ZNF428: variants seen among roughly 807,000 people sequenced by gnomAD.
ZNF428 encodes the protein zinc finger protein 428, also known as enzyme-like protein PIT13.
Under a neutral mutation model 15.6 loss-of-function variants are expected in ZNF428, and 5 were observed. The ratio of observed to expected loss-of-function variants is 0.32; its 90% CI spans 0.17 to 0.67. ZNF428 has a LOEUF of 0.67. Among genes scored for constraint, ZNF428 ranks in the 30% least tolerant of loss-of-function variants. The pLI, the probability that ZNF428 is intolerant of heterozygous loss-of-function variation, is 0.73. For missense variants in ZNF428, 237 were observed against 256.0 expected (o/e 0.93, Z 0.51); for synonymous variants, 97 against 102.2 (o/e 0.95, Z 0.31).
In ZNF428 at chr19:43,613,925, CAG is replaced by C. The variant is rs760632303; in HGVS notation, c.76+302_76+303del. Reference sequence around the variant, plus strand: ...CAGCCGATCTAGAAGCCCCAATAAGCAGAGTGGTTACAGTCGACCTAGAGCCT... The same window carrying C: ...CAGCCGATCTAGAAGCCCCAATAAGCAGTGGTTACAGTCGACCTAGAGCCT... On this transcript the variant is annotated intron_variant, in intron 2 of 2. Coordinates refer to ENST00000300811, the MANE Select transcript of ZNF428 (RefSeq NM_182498.4). The C allele has an allele frequency of 9.7e-6, 15 of 1,551,562 alleles. No homozygotes were observed. In the East Asian group the frequency reaches 2.0e-4, roughly 20 times the overall value.
chr19:43,616,672 G>A (rs1484784021), intron 1 of ZNF428, among the ~76,000 whole-genome samples: 2 of 152,066 alleles, frequency 1.3e-5, no homozygotes, highest in Non-Finnish European at 2.9e-5. Flanking sequence ...CATCAAGAGT[G>A]GCCATTACTA....
At chr19:43,611,626 T>C (rs942291993) in intron 2 of ZNF428, among the ~76,000 whole-genome samples, 7 of 152,140 alleles carry the variant, frequency 4.6e-5, no homozygotes, top group Non-Finnish European at 1.0e-4. Context: ...AGCCTGACCC[T>C]TTCTTTCTCT....
intron 2 of ZNF428, chr19:43,613,590 G>A (rs982591232): frequency 4.7e-5 from 73 of 1,551,482 alleles, no homozygotes; most frequent in Non-Finnish European, 6.1e-5. Context: ...CAACTTGGAA[G>A]CCCCAGCAAA....
Position 43,612,893 on chromosome 19 carries a change from A to G in ZNF428, c.76+1336T>C. 1 of 1,551,740 alleles carries G rather than the reference A, an allele frequency of 6.4e-7. No homozygotes were observed. The highest frequency in any genetic ancestry group is 8.7e-7 in the Non-Finnish European group (1 of 1,146,998). ...CATCCCCAGTAGGGAAAAGAGTTAC[A>G]GCCCCACTGAAATGTCCAGCAGGGT... On this transcript the variant is annotated intron_variant, in intron 2 of 2. Coordinates refer to ENST00000300811, the MANE Select transcript of ZNF428 (RefSeq NM_182498.4). This position sits in a 1 kb window ranked among gnomAD's most constrained non-coding sequence, Gnocchi z 4.2.
At chr19:43,611,527 T>G (rs2146116133) in intron 2 of ZNF428, among the ~76,000 whole-genome samples, 1 of 152,188 alleles carries the variant, frequency 6.6e-6, no homozygotes, top group Non-Finnish European at 1.5e-5. Context: ...ACCTTGTTGG[T>G]TAGGCTGGTC....
Position 43,607,629 on chromosome 19 carries a change from C to G in ZNF428, c.555G>C (p.Arg185=). The change falls in exon 3 of 3, where the codon CGG becomes CGC. Residue 185 remains arginine, a synonymous_variant. Transcript: ENST00000300811. The surrounding 1 kb of genome is among the most constrained non-coding windows in gnomAD (Gnocchi z 5.1). ...ELHGHFMLHA[R]GEV is the part of the protein sequence containing the mutation. ...ATGGGGGCTCTGCCTACACCTCACC[C>G]CGGGCATGCAGCATGAAGTGCCCGT... 1 of 1,588,878 alleles carries G rather than the reference C, an allele frequency of 6.3e-7. No homozygotes were observed. Among genetic ancestry groups the G allele is most frequent in the Non-Finnish European group, 8.6e-7 (1 of 1,164,856 alleles).
At position 43,614,316 on chromosome 19, in the gene ZNF428, G is replaced by A. The variant is rs1168361548; in HGVS notation, c.-12C>T. 2 of 1,594,394 alleles carry A rather than the reference G, an allele frequency of 1.3e-6. No homozygotes were observed. The highest frequency in any genetic ancestry group is 8.5e-7 in the Non-Finnish European group (1 of 1,170,388). On this transcript the variant is annotated 5_prime_UTR_variant, in exon 2 of 3. Transcript: ENST00000300811. ...CGGGTCTCTGTCATGACCGGGGGAG[G>A]GGACAGGAGACAGGAGCAGAGCAGC... is the stretch of plus-strand genomic sequence containing the variant.
chr19:43,612,279 G>A lies in ZNF428; in HGVS notation c.76+1950C>T, dbSNP rs533532185. 5.8e-6 allele frequency: 9 copies of A among 1,551,494 alleles called. No homozygotes were observed. The highest frequency in any genetic ancestry group is 2.4e-5 in the East Asian group (1 of 40,916). ...GTGCCCACCAAACCAGCGACATCCC[G>A]TAACTCAGTCATGAGCCCAAGCAGT... On this transcript the variant is annotated intron_variant, in intron 2 of 2. Coordinates refer to ENST00000300811, the MANE Select transcript of ZNF428 (RefSeq NM_182498.4). This position sits in a 1 kb window ranked among gnomAD's most constrained non-coding sequence, Gnocchi z 4.2.
chr19:43,609,513 C>T (rs1458464149), intron 2 of ZNF428, among the ~76,000 whole-genome samples: 2 of 151,832 alleles, frequency 1.3e-5, no homozygotes, highest in African/African-American at 4.8e-5. Flanking sequence ...CTGAGGTGGG[C>T]GGATTGCCTG....
rs753520169 is a variant in ZNF428, at chr19:43,612,350, C to G, written c.76+1879G>C. On this transcript the variant is annotated intron_variant, in intron 2 of 2. Coordinates refer to ENST00000300811, the MANE Select transcript of ZNF428 (RefSeq NM_182498.4). The surrounding 1 kb of genome is among the most constrained non-coding windows in gnomAD (Gnocchi z 4.2). Reference sequence around the variant, plus strand: ...CAGTACAAAAAGAGCCCCTTCTAACCGGCCCAGCAGCAGGTCCCGAGTCCG... The same window carrying G: ...CAGTACAAAAAGAGCCCCTTCTAACGGGCCCAGCAGCAGGTCCCGAGTCCG... 1 of 1,551,568 alleles carries G rather than the reference C, an allele frequency of 6.4e-7. No homozygotes were observed. The highest frequency in any genetic ancestry group is 8.7e-7 in the Non-Finnish European group (1 of 1,147,000).
intron 2 of ZNF428, 133 bp from the exon 3 acceptor site, chr19:43,608,240 T>C (rs1973261190): frequency 8.3e-7 from 1 of 1,200,948 alleles, no homozygotes; most frequent in Non-Finnish European, 1.2e-6. Flanking sequence ...ACCCTTCCCT[T>C]CCCCACAGAT....
chr19:43,615,935 TTAA>T (rs1255758249), intron 1 of ZNF428, among the ~76,000 whole-genome samples: 2 of 152,214 alleles, frequency 1.3e-5, no homozygotes, highest in East Asian at 3.9e-4. Flanking sequence ...TACGGAGGCT[TTAA>T]GACAGCAGCA....
chr19:43,608,039 C>A lies in ZNF428; in HGVS notation c.145G>T (p.Glu49Ter). 1.2e-6 allele frequency: 2 copies of A among 1,613,982 alleles called. No homozygotes were observed. Residue 49 changes from glutamate to a stop codon, truncating the protein, a stop_gained, in exon 3 of 3, where the codon GAG (glutamate) becomes TAG (stop). Transcript: ENST00000300811. LOFTEE classifies it high-confidence loss of function. ...EPDSEEEEDEEEEEEETTDDP... is the reference protein window; with the variant it reads ...EPDSEEEEDE ...TCAGTGGTCTCCTCTTCCTCCTCCT[C>A]CTCATCTTCTTCCTCTTCGGAGTCC...
At chr19:43,610,892 CTCTT>C in intron 2 of ZNF428, among the ~76,000 whole-genome samples, 1 of 152,294 alleles carries the variant, frequency 6.6e-6, no homozygotes, top group South Asian at 2.1e-4. Flanking sequence ...CAGGTTATAA[CTCTT>C]TCCTTCTGAA....
At position 43,612,081 on chromosome 19, in the gene ZNF428, C is replaced by A; in HGVS notation, c.76+2148G>T. ...TCCACGGCTACCAGGTGTTTCATGT[C>A]TACTGTGACTTCCAGGACCACAAGC... is the stretch of plus-strand genomic sequence containing the variant. On this transcript the variant is annotated intron_variant, in intron 2 of 2. Coordinates refer to ENST00000300811, the MANE Select transcript of ZNF428 (RefSeq NM_182498.4). The surrounding 1 kb of genome is among the most constrained non-coding windows in gnomAD (Gnocchi z 4.2). 6.9e-7 allele frequency: 1 copy of A among 1,453,228 alleles called. No individual in the cohort carries two copies. Among genetic ancestry groups the A allele is most frequent in the Non-Finnish European group, 9.4e-7 (1 of 1,059,948 alleles). 90.0% of individuals were successfully genotyped at this position (1,453,228 alleles called of 1,614,324 possible).
intron 1 of ZNF428, 170 bp from the exon 2 acceptor site, chr19:43,614,604 C>CTTT: frequency 3.3e-6 from 1 of 306,496 alleles, no homozygotes; most frequent in Non-Finnish European, 5.5e-6. Context: ...CTCTCTAGGT[C>CTTT]TTTTTTTTTT....
At chr19:43,614,547 A>G in intron 1 of ZNF428, 113 bp from the exon 2 acceptor site, 1 of 990,216 alleles carries the variant, frequency 1.0e-6, no homozygotes, top group Non-Finnish European at 1.4e-6. Flanking sequence ...AGAGGACCCC[A>G]GCTCTGTCCC....
chr19:43,612,233 G>A lies in ZNF428; in HGVS notation c.76+1996C>T. On this transcript the variant is annotated intron_variant, in intron 2 of 2. Transcript: ENST00000300811. This position sits in a 1 kb window ranked among gnomAD's most constrained non-coding sequence, Gnocchi z 4.2. ...TGCCTCCTTGAAGTCCACCAAATCA[G>A]CAACACCCAACAGATCCTTAGTGCC... The A allele has an allele frequency of 6.4e-7, 1 of 1,551,644 alleles. No homozygotes were observed. Among genetic ancestry groups the A allele is most frequent in the Non-Finnish European group, 8.7e-7 (1 of 1,147,002 alleles).
intron 2 of ZNF428, among the ~76,000 whole-genome samples, chr19:43,610,588 G>A (rs1973285403): frequency 6.6e-6 from 1 of 152,076 alleles, no homozygotes; most frequent in Non-Finnish European, 1.5e-5. Flanking sequence ...ACTTTGTCTG[G>A]TTCACTGCTG....
Sources: gnomAD v4.1 joint callset for allele counts (sites outside exome capture counted in the v4.1 genomes callset) on GRCh38, gnomAD v4.1.1 for gene constraint, Gnocchi (gnomAD v3.1) non-coding constraint, MANE v1.5 for transcripts, NCBI Gene and HGNC (gene_info 2026-07-23, HGNC 2026-07-21) for gene names.